TSPAN8: variants seen among roughly 807,000 people sequenced by gnomAD.
TSPAN8 encodes the protein tetraspanin 8, also known as tetraspanin-8.
TSPAN8 carries 21 observed loss-of-function variants against 32.8 expected under a neutral mutation model. That is an observed-to-expected ratio of 0.64 (90% CI 0.45 to 0.92). The LOEUF (loss-of-function observed/expected upper bound fraction) is 0.92, where lower values mean the gene tolerates loss of function less well. TSPAN8 is among the 40% of genes least tolerant of loss of function. TSPAN8 has a pLI of 0.00. For synonymous variants in TSPAN8, 95 were observed against 94.6 expected (o/e 1.00, Z -0.03); for missense variants, 269 against 281.9 (o/e 0.95, Z 0.33).
At chr12:71,146,060 C>T (rs12230112) in intron 2 of TSPAN8, among the ~76,000 whole-genome samples, 10,930 of 152,086 alleles carry the variant, frequency 0.072, 914 homozygotes, top group East Asian at 0.28. Context: ...ATCATATCTG[C>T]CCCTCAGATA....
At chr12:71,155,076 T>C (rs1314362186) in intron 2 of TSPAN8, among the ~76,000 whole-genome samples, 1 of 152,162 alleles carries the variant, frequency 6.6e-6, no homozygotes, top group Admixed American at 6.5e-5. Context: ...TGCAATCTGG[T>C]AAGTAAAGAG....
At chr12:71,145,854 T>C (rs1006902456) in intron 2 of TSPAN8, among the ~76,000 whole-genome samples, 1 of 152,200 alleles carries the variant, frequency 6.6e-6, no homozygotes, top group Non-Finnish European at 1.5e-5. Context: ...CTGTAACTAA[T>C]GAACCTTGTA....
intron 7 of TSPAN8, among the ~76,000 whole-genome samples, chr12:71,132,184 T>G (rs1871538238): frequency 6.6e-6 from 1 of 152,198 alleles, no homozygotes; most frequent in Admixed American, 6.5e-5. Context: ...CTAGGTAAAT[T>G]GGTAGCTGTC....
intron 2 of TSPAN8, among the ~76,000 whole-genome samples, chr12:71,149,720 T>C (rs1872186973): frequency 6.6e-6 from 1 of 152,368 alleles, no homozygotes; most frequent in African/African-American, 2.4e-5. Flanking sequence ...CTTCGTAAGC[T>C]GAGGATGTAC....
intron 2 of TSPAN8, among the ~76,000 whole-genome samples, chr12:71,154,176 G>A (rs1872347142): frequency 6.6e-6 from 1 of 152,136 alleles, no homozygotes; most frequent in African/African-American, 2.4e-5. Flanking sequence ...TGGGCATGGT[G>A]GTGCGTGCCT....
Position 71,144,156 on chromosome 12 carries a change from G to A in TSPAN8, c.118C>T (p.Gln40Ter), listed in dbSNP as rs1197447883. The A allele has an allele frequency of 1.2e-6, 2 of 1,611,584 alleles. No homozygotes were observed. The highest frequency in any genetic ancestry group is 1.7e-6 in the Non-Finnish European group (2 of 1,178,956). ...AIWVRVSNDSQAIFGSEDVGS... is the reference protein window; with the variant it reads ...AIWVRVSNDS ...ACTTGTTTTTGCATACTTACTGCTT[G>A]AGAGTCATTGCTTACTCGTACCCAT... The change falls in exon 3 of 9, where the codon CAA becomes TAA. Residue 40 changes from glutamine to a stop codon, truncating the protein, a stop_gained. Coordinates refer to ENST00000247829, the MANE Select transcript of TSPAN8 (RefSeq NM_004616.3). LOFTEE classifies it high-confidence loss of function.
Position 71,126,469 on chromosome 12 carries a change from A to G in TSPAN8, c.661-1082T>C, listed in dbSNP as rs555987707. On this transcript the variant is annotated intron_variant, in intron 8 of 8. Coordinates refer to ENST00000247829, the MANE Select transcript of TSPAN8 (RefSeq NM_004616.3). ...GACAACTATCATCTTTCACTGCTAC[A>G]TCCTTGAAATAGAAGCCGTCAATTT... is the stretch of plus-strand genomic sequence containing the variant. Among the ~76,000 whole-genome samples, 130 of 152,268 alleles carry G rather than the reference A, an allele frequency of 8.5e-4. 1 individual carries two copies. Among genetic ancestry groups the G allele is most frequent in the Non-Finnish European group, 1.0e-3 (68 of 68,014 alleles).
chr12:71,131,849 C>T (rs1403616814), intron 7 of TSPAN8, among the ~76,000 whole-genome samples: 1 of 151,818 alleles, frequency 6.6e-6, no homozygotes, highest in African/African-American at 2.4e-5. Context: ...TAACACCTTG[C>T]ACCCATCTCT....
intron 6 of TSPAN8, among the ~76,000 whole-genome samples, chr12:71,134,322 T>A (rs886491659): frequency 6.6e-6 from 1 of 152,224 alleles, no homozygotes; most frequent in Non-Finnish European, 1.5e-5. Flanking sequence ...TTGTTATCAA[T>A]GATTTGAATA....
intron 3 of TSPAN8, 46 bp from the exon 4 acceptor site, chr12:71,139,894 GT>G: frequency 6.6e-7 from 1 of 1,519,990 alleles, no homozygotes; most frequent in Non-Finnish European, 8.8e-7. Flanking sequence ...TTTCCTTGAA[GT>G]TTATTTTGCT....
At chr12:71,145,722 T>C (rs563039736) in intron 2 of TSPAN8, among the ~76,000 whole-genome samples, 1 of 152,346 alleles carries the variant, frequency 6.6e-6, no homozygotes, top group African/African-American at 2.4e-5. Context: ...TTTTCAGTAA[T>C]TTCATACCAA....
chr12:71,135,524 A>AAGGG (rs2137049814), intron 6 of TSPAN8, among the ~76,000 whole-genome samples: 1 of 148,390 alleles, frequency 6.7e-6, no homozygotes, highest in Non-Finnish European at 1.5e-5. Context: ...GAGAAGGAGG[A>AAGGG]GAAGGGGAAG....
chr12:71,140,447 T>G lies in TSPAN8; in HGVS notation c.124-599A>C, dbSNP rs1385042863. On this transcript the variant is annotated intron_variant, in intron 3 of 8. Coordinates refer to ENST00000247829, the MANE Select transcript of TSPAN8 (RefSeq NM_004616.3). ...TAACTGAAAAGGGACATGAGGGAAC[T>G]TCCATGGGTTAATAAAAATGCTTTG... is the stretch of plus-strand genomic sequence containing the variant. Among the ~76,000 whole-genome samples, 3 of 152,210 alleles carry G rather than the reference T, an allele frequency of 2.0e-5. No individual in the cohort carries two copies. The East Asian group carries it at 5.8e-4, about 29-fold the overall frequency.
At chr12:71,128,056 T>C (rs1871399069) in intron 8 of TSPAN8, among the ~76,000 whole-genome samples, 1 of 152,160 alleles carries the variant, frequency 6.6e-6, no homozygotes, top group African/African-American at 2.4e-5. Context: ...AGAAATAAAA[T>C]ACATCTTACA....
At chr12:71,152,025 A>G (rs1427953554) in intron 2 of TSPAN8, among the ~76,000 whole-genome samples, 1 of 152,248 alleles carries the variant, frequency 6.6e-6, no homozygotes. Flanking sequence ...TAAATGAAAA[A>G]GCAATTACGA....
chr12:71,139,084 A>G (rs2137052346), intron 4 of TSPAN8: 1 of 456,000 alleles, frequency 2.2e-6, no homozygotes, highest in Admixed American at 2.3e-5. Context: ...AATTCTGATT[A>G]TCTCATTCAT....
At chr12:71,141,069 A>T (rs1457580048) in intron 3 of TSPAN8, among the ~76,000 whole-genome samples, 5 of 152,232 alleles carry the variant, frequency 3.3e-5, no homozygotes, top group African/African-American at 4.8e-5. Context: ...TAAAAGCATT[A>T]AAACAAACAT....
intron 7 of TSPAN8, among the ~76,000 whole-genome samples, chr12:71,130,475 A>T (rs1012795333): frequency 1.3e-5 from 2 of 152,240 alleles, no homozygotes; most frequent in African/African-American, 4.8e-5. Flanking sequence ...ATTGTAAATT[A>T]TGTGAAGAAT....
In TSPAN8 at chr12:71,139,718, A is replaced by G. The variant is rs1228293816; in HGVS notation, c.254T>C (p.Leu85Pro). The change falls in exon 4 of 9, where the codon CTT (leucine) becomes CCT (proline). Residue 85 changes from leucine (L) to proline (P), a missense_variant. Physicochemically the swap from Leu to Pro is moderately conservative, Grantham distance 98. Transcript: ENST00000247829. ...TTTGTTTGGAGAACTCACCAACAGA[A>G]GCATGCAGCGACTTTCTTTTATAGC... ...CGAIKESRCM[L>P]LLFFIGLLLI... 1 of 1,613,668 alleles carries G rather than the reference A, an allele frequency of 6.2e-7. No homozygotes were observed. Among genetic ancestry groups the G allele is most frequent in the Non-Finnish European group, 8.5e-7 (1 of 1,179,704 alleles).
Sources: gnomAD v4.1 joint callset for allele counts (sites outside exome capture counted in the v4.1 genomes callset) on GRCh38, gnomAD v4.1.1 for gene constraint, MANE v1.5 for transcripts, NCBI Gene and HGNC (gene_info 2026-07-23, HGNC 2026-07-21) for gene names.